TDRD5: variants seen among roughly 807,000 people sequenced by gnomAD.
TDRD5 encodes tudor domain containing 5, also known as tudor domain-containing protein 5.
TDRD5 carries 41 observed loss-of-function variants against 120.6 expected under a neutral mutation model. The observed-to-expected ratio is 0.34, with a 90% CI of 0.26 to 0.44. The LOEUF is 0.44. Ranked by LOEUF, TDRD5 falls within the 20% of genes least tolerant of loss-of-function variation. TDRD5 has a pLI of 1.00. For synonymous variants in TDRD5, 430 were observed against 433.7 expected, an observed-to-expected ratio of 0.99 and a Z score of 0.11; for missense variants, 1,006 against 1,221.2, an observed-to-expected ratio of 0.82 and a Z score of 2.63.
At chr1:179,603,689 C>T (rs1675831057) in intron 4 of TDRD5, among the ~76,000 whole-genome samples, 1 of 152,142 alleles carries the variant, frequency 6.6e-6, no homozygotes, top group Non-Finnish European at 1.5e-5. Flanking sequence ...TATTGACTTG[C>T]ATATGTTAAA....
chr1:179,651,986 T>G (rs1407727395), intron 12 of TDRD5, 53 bp from the exon 13 acceptor site: 3 of 1,571,354 alleles, frequency 1.9e-6, no homozygotes, highest in Non-Finnish European at 2.6e-6. Context: ...TTTCTCGCCC[T>G]TTTTCTGTTG....
intron 4 of TDRD5, among the ~76,000 whole-genome samples, chr1:179,597,727 A>T (rs762294940): frequency 6.6e-6 from 1 of 152,072 alleles, no homozygotes; most frequent in African/African-American, 2.4e-5. Context: ...TTCAGTTCTT[A>T]TATTTAGGTA....
In TDRD5 at chr1:179,665,902, C is replaced by T. The variant is rs1280312929; in HGVS notation, c.2649+2411C>T. ...TGGGACTGGAAGTATGCTTAGGATA[C>T]AGTCCTCTCCTGCTGTCTGTATCTT... On this transcript the variant is annotated intron_variant, in intron 16 of 17. Coordinates refer to ENST00000444136, the MANE Select transcript of TDRD5 (RefSeq NM_001199085.3). Among the ~76,000 whole-genome samples the T allele has an allele frequency of 2.6e-5, 4 of 152,234 alleles. No individual in the cohort carries two copies. The East Asian group carries it at 7.7e-4, about 29-fold the overall frequency.
chr1:179,617,064 A>G (rs577245881), intron 4 of TDRD5, among the ~76,000 whole-genome samples: 13 of 152,200 alleles, frequency 8.5e-5, no homozygotes, highest in Admixed American at 2.0e-4. Flanking sequence ...TACAGAAGAA[A>G]TGTAAAGAAT....
intron 3 of TDRD5, 141 bp downstream of exon 3, chr1:179,594,008 T>C: frequency 1.8e-6 from 2 of 1,087,956 alleles, no homozygotes; most frequent in Non-Finnish European, 1.3e-6. Context: ...TCAATCTACT[T>C]AAGCCTTAGT....
chr1:179,683,344 C>T (rs778461937), intron 17 of TDRD5, among the ~76,000 whole-genome samples: 2 of 152,164 alleles, frequency 1.3e-5, no homozygotes, highest in Admixed American at 6.5e-5. Context: ...TGACTGAAAG[C>T]AGAAATTTTG....
At chr1:179,667,500 T>C (rs1679618215) in intron 16 of TDRD5, among the ~76,000 whole-genome samples, 1 of 152,216 alleles carries the variant, frequency 6.6e-6, no homozygotes, top group Admixed American at 6.5e-5. Flanking sequence ...AGTTACCTTT[T>C]GTGCCCTGAG....
intron 17 of TDRD5, among the ~76,000 whole-genome samples, chr1:179,684,830 G>C (rs889185087): frequency 7.2e-5 from 11 of 152,190 alleles, no homozygotes; most frequent in Admixed American, 1.3e-4. Flanking sequence ...GTGTCTGTTG[G>C]CTGCATAGAT....
At chr1:179,632,664 G>A (rs911205637) in intron 7 of TDRD5, among the ~76,000 whole-genome samples, 2 of 151,874 alleles carry the variant, frequency 1.3e-5, no homozygotes, top group African/African-American at 4.8e-5. Context: ...ACAATACAGA[G>A]GTAACTAGCA....
At chr1:179,651,693 C>G (rs1358613138) in intron 12 of TDRD5, among the ~76,000 whole-genome samples, 1 of 152,182 alleles carries the variant, frequency 6.6e-6, no homozygotes, top group Admixed American at 6.5e-5. Flanking sequence ...GTGGGTGGAT[C>G]ACGAGGTCAG....
intron 17 of TDRD5, among the ~76,000 whole-genome samples, chr1:179,672,971 C>T (rs191722595): frequency 7.1e-4 from 108 of 152,172 alleles, no homozygotes; most frequent in African/African-American, 2.2e-3. Flanking sequence ...ATCTTTATGC[C>T]GGTACCATGC....
Position 179,593,872 on chromosome 1 carries a change from G to A in TDRD5, c.640+5G>A, listed in dbSNP as rs532169796. On this transcript the variant is annotated splice_donor_5th_base_variant and intron_variant, in intron 3 of 17. Transcript: ENST00000444136. ...AGCCGAGAGGATGTCCAGCAGGTAC[G>A]CATGTGAGCAAATGTTGGAGCAGTC... is the stretch of plus-strand genomic sequence containing the variant. 12 of 1,608,770 alleles carry A rather than the reference G, an allele frequency of 7.5e-6. No individual in the cohort carries two copies. The highest frequency in any genetic ancestry group is 6.7e-5 in the East Asian group (3 of 44,794).
intron 7 of TDRD5, among the ~76,000 whole-genome samples, chr1:179,632,314 A>G (rs980533765): frequency 6.6e-6 from 1 of 152,022 alleles, no homozygotes; most frequent in Admixed American, 6.6e-5. Flanking sequence ...AGTTTCTCCA[A>G]TGGCAACACC....
intron 4 of TDRD5, among the ~76,000 whole-genome samples, chr1:179,612,437 A>G (rs958239143): frequency 6.6e-6 from 1 of 152,208 alleles, no homozygotes; most frequent in Non-Finnish European, 1.5e-5. Flanking sequence ...GGTGAATAGC[A>G]TATGAATTTA....
intron 4 of TDRD5, among the ~76,000 whole-genome samples, chr1:179,606,287 G>T (rs536393717): frequency 3.1e-5 from 4 of 129,290 alleles, no homozygotes; most frequent in South Asian, 5.6e-4. Context: ...TTAAAAATTG[G>T]ATTGTTTCTT....
chr1:179,652,058 C>T lies in TDRD5; in HGVS notation c.2021C>T (p.Pro674Leu). 1 of 1,613,464 alleles carries T rather than the reference C, an allele frequency of 6.2e-7. No individual in the cohort carries two copies. Among genetic ancestry groups the T allele is most frequent in the Non-Finnish European group, 8.5e-7 (1 of 1,179,880 alleles). ...TCTTAGGGTTTCAGTGAGCTCAACCCTTTAGCTTTATACACGACATCCAGT... is the reference window on the plus strand; with the variant it reads ...TCTTAGGGTTTCAGTGAGCTCAACCTTTTAGCTTTATACACGACATCCAGT... ...ISSKGFSELN[P>L]LALYTTSSGG... is the part of the protein sequence containing the mutation. The change falls in exon 13 of 18, where the codon CCT becomes CTT. Residue 674 changes from proline to leucine, a missense_variant. Around this residue, in one of 3 missense-constraint regions of TDRD5, gnomAD observed 403 missense variants for 448.1 expected, o/e 0.90. Coordinates refer to ENST00000444136, the MANE Select transcript of TDRD5 (RefSeq NM_001199085.3).
In TDRD5 at chr1:179,691,179, C is replaced by A; in HGVS notation, c.*236C>A. 2 of 438,186 alleles carry A rather than the reference C, an allele frequency of 4.6e-6. No individual in the cohort carries two copies. The highest frequency in any genetic ancestry group is 7.5e-6 in the Non-Finnish European group (2 of 267,454). 27.1% of individuals were successfully genotyped at this position (438,186 alleles called of 1,614,324 possible). On this transcript the variant is annotated 3_prime_UTR_variant, in exon 18 of 18. Coordinates refer to ENST00000444136, the MANE Select transcript of TDRD5 (RefSeq NM_001199085.3). ...ATTTTATTCTGTGTCATTTTGTTCACCTTTGTTTTTAATGTAGTTTAAAGG... is the reference window on the plus strand; with the variant it reads ...ATTTTATTCTGTGTCATTTTGTTCAACTTTGTTTTTAATGTAGTTTAAAGG...
At chr1:179,690,159 G>A (rs1051202395) in intron 17 of TDRD5, among the ~76,000 whole-genome samples, 2 of 152,230 alleles carry the variant, frequency 1.3e-5, no homozygotes, top group African/African-American at 4.8e-5. Flanking sequence ...ACTGGGAGCT[G>A]TAGACTGGAG....
At chr1:179,644,642 G>A (rs10913846) in intron 11 of TDRD5, among the ~76,000 whole-genome samples, 45,868 of 151,670 alleles carry the variant, frequency 0.3, 7,885 homozygotes, top group Admixed American at 0.4. Context: ...TGTTTTTGGC[G>A]TAAATTGCCC....
Sources: gnomAD v4.1 joint callset for allele counts (sites outside exome capture counted in the v4.1 genomes callset) on GRCh38, gnomAD v4.1.1 for gene constraint, gnomAD v4.1.1 regional missense constraint, MANE v1.5 for transcripts, NCBI Gene and HGNC (gene_info 2026-07-23, HGNC 2026-07-21) for gene names.